IGSF11: variants seen among roughly 807,000 people sequenced by gnomAD.
The protein encoded by IGSF11 is immunoglobulin superfamily member 11.
IGSF11 carries 22 observed loss-of-function variants against 41.0 expected under a neutral mutation model. That is an observed-to-expected ratio of 0.54 (90% CI 0.38 to 0.77). The LOEUF is 0.77. Among genes scored for constraint, IGSF11 ranks in the 30% least tolerant of loss-of-function variants. IGSF11 has a pLI of 0.00. For synonymous variants in IGSF11, 219 were observed against 201.3 expected (o/e 1.09, Z -0.74); for missense variants, 444 against 530.8 (o/e 0.84, Z 1.61).
chr3:118,984,172 C>CAA (rs11329040), intron 1 of IGSF11, among the ~76,000 whole-genome samples: 22 of 134,218 alleles, frequency 1.6e-4, no homozygotes, highest in Admixed American at 4.6e-4. Context: ...TTCTGAAATT[C>CAA]AAAAAAAAAA....
intron 1 of IGSF11, among the ~76,000 whole-genome samples, chr3:119,123,018 A>G (rs979805253): frequency 2.0e-5 from 3 of 152,170 alleles, no homozygotes; most frequent in Non-Finnish European, 4.4e-5. Flanking sequence ...CTCAGCCACA[A>G]TGGGGTAGAG....
intron 1 of IGSF11, among the ~76,000 whole-genome samples, chr3:119,031,495 T>C (rs954445359): frequency 1.3e-5 from 2 of 152,210 alleles, no homozygotes; most frequent in Non-Finnish European, 2.9e-5. Flanking sequence ...CTCTCCACTA[T>C]GAAAGTGTGA....
intron 1 of IGSF11, among the ~76,000 whole-genome samples, chr3:119,057,567 A>C (rs1384881099): frequency 2.0e-5 from 3 of 152,354 alleles, no homozygotes; most frequent in African/African-American, 4.8e-5. Context: ...TTATAGATTC[A>C]ATGCCATCCC....
chr3:119,034,612 C>G lies in IGSF11; in HGVS notation c.-30G>C. 6.4e-6 allele frequency: 10 copies of G among 1,566,932 alleles called. No individual in the cohort carries two copies. The highest frequency in any genetic ancestry group is 1.4e-5 in the African/African-American group (1 of 72,956). On this transcript the variant is annotated 5_prime_UTR_variant, in exon 1 of 7. Coordinates refer to ENST00000393775, the MANE Select transcript of IGSF11 (RefSeq NM_001015887.3). ...GGGCCGCAGGGAGCGCGCCTGCCTC[C>G]TACCCGGCTCCCGGTCGCAACAGGA...
chr3:119,099,818 G>A (rs2076913368), intron 1 of IGSF11, among the ~76,000 whole-genome samples: 2 of 152,192 alleles, frequency 1.3e-5, no homozygotes, highest in African/African-American at 2.4e-5. Context: ...ACATTTTGCT[G>A]TATATTAGTC....
intron 1 of IGSF11, among the ~76,000 whole-genome samples, chr3:118,962,601 G>A (rs1220884498): frequency 2.0e-5 from 3 of 152,116 alleles, no homozygotes; most frequent in Admixed American, 6.5e-5. Context: ...GGTTCTGAGG[G>A]ACAGACAGGT....
intron 4 of IGSF11, among the ~76,000 whole-genome samples, chr3:118,907,332 T>C (rs1476788726): frequency 6.6e-6 from 1 of 152,206 alleles, no homozygotes; most frequent in Non-Finnish European, 1.5e-5. Context: ...TCCTTTGTGC[T>C]TGGTTTTCTG....
intron 1 of IGSF11, among the ~76,000 whole-genome samples, chr3:119,136,233 G>A (rs553523014): frequency 4.0e-5 from 6 of 151,450 alleles, no homozygotes; most frequent in Non-Finnish European, 7.4e-5. Flanking sequence ...AAAAAAAGAA[G>A]ACAGAAAGGA....
At chr3:118,999,844 T>G (rs980318350) in intron 1 of IGSF11, among the ~76,000 whole-genome samples, 8 of 152,132 alleles carry the variant, frequency 5.3e-5, no homozygotes, top group Admixed American at 4.6e-4. Context: ...AAATAAGGTC[T>G]TGGGTCCAAA....
intron 1 of IGSF11, among the ~76,000 whole-genome samples, chr3:119,100,225 G>T (rs1332553115): frequency 6.6e-6 from 1 of 152,194 alleles, no homozygotes; most frequent in African/African-American, 2.4e-5. Context: ...AGTCAAGGAG[G>T]TCAGTTTGAA....
rs1375984501 is a variant in IGSF11 at position 118,915,189 on chromosome 3, T to C, written c.581-9471A>G. ...AACAGAAAAACTGGAAACTCTAAAA[T>C]GCAGAGCGCCTCTCCTCCTCCAAAG... is the stretch of plus-strand genomic sequence containing the variant. On this transcript the variant is annotated intron_variant, in intron 4 of 6. Transcript: ENST00000393775. Among the ~76,000 whole-genome samples, 13 of 137,612 alleles carry C rather than the reference T, an allele frequency of 9.4e-5. 1 individual carries two copies. The highest frequency in any genetic ancestry group is 5.3e-4 in the Admixed American group (7 of 13,102). The allele number at this position is 137,612 out of a possible 152,430, so 90.3% of individuals were successfully genotyped here. A position where few individuals can be genotyped will look rare whatever the true frequency, so the allele number is the denominator to read the frequency against.
At chr3:119,049,280 C>G (rs11719593) in intron 1 of IGSF11, among the ~76,000 whole-genome samples, 24,759 of 149,138 alleles carry the variant, frequency 0.17, 2,478 homozygotes, top group Non-Finnish European at 0.23. Flanking sequence ...TCCTTAAGCT[C>G]ATAAGCAACT....
chr3:119,072,198 C>T (rs1054660154), intron 1 of IGSF11, among the ~76,000 whole-genome samples: 1 of 152,192 alleles, frequency 6.6e-6, no homozygotes, highest in African/African-American at 2.4e-5. Flanking sequence ...GGTTTCTCTT[C>T]CTTGCAAGCA....
At chr3:118,963,353 G>A (rs1945468530) in intron 1 of IGSF11, among the ~76,000 whole-genome samples, 1 of 152,142 alleles carries the variant, frequency 6.6e-6, no homozygotes, top group African/African-American at 2.4e-5. Flanking sequence ...ACAATAGGAT[G>A]TGAAATCATG....
intron 1 of IGSF11, among the ~76,000 whole-genome samples, chr3:118,971,624 G>C (rs954785377): frequency 3.3e-5 from 5 of 152,020 alleles, no homozygotes. Flanking sequence ...CCAAGATGGT[G>C]AAACCCCGTC....
At chr3:119,051,930 A>G (rs1941643037) in intron 1 of IGSF11, among the ~76,000 whole-genome samples, 2 of 152,192 alleles carry the variant, frequency 1.3e-5, no homozygotes, top group Admixed American at 1.3e-4. Flanking sequence ...TTTGAACTGA[A>G]CAATAATAGT....
At chr3:119,051,434 C>G (rs72953022) in intron 1 of IGSF11, among the ~76,000 whole-genome samples, 4,563 of 152,100 alleles carry the variant, frequency 0.03, 233 homozygotes, top group African/African-American at 0.1. Flanking sequence ...TATCACAATT[C>G]TAAATATACA....
intron 1 of IGSF11, among the ~76,000 whole-genome samples, chr3:119,080,470 G>A (rs539434989): frequency 2.0e-5 from 3 of 152,124 alleles, no homozygotes; most frequent in Non-Finnish European, 2.9e-5. Flanking sequence ...AATTTCAGCC[G>A]ACAGATTTTC....
chr3:119,033,142 T>C (rs1361878307), intron 1 of IGSF11, among the ~76,000 whole-genome samples: 1 of 152,214 alleles, frequency 6.6e-6, no homozygotes, highest in Admixed American at 6.5e-5. Context: ...AAAAACAAAC[T>C]ATACACAAAT....
Sources: allele counts gnomAD v4.1 joint callset (sites outside exome capture counted in the v4.1 genomes callset), GRCh38; gene constraint gnomAD v4.1.1; transcripts MANE v1.5; gene names NCBI Gene and HGNC (gene_info 2026-07-23, HGNC 2026-07-21).